Variants in MYO1E observed in about 807,000 individuals in gnomAD.
The protein encoded by MYO1E is unconventional myosin-Ie.
MYO1E carries 68 observed loss-of-function variants against 151.1 expected under a neutral mutation model. The observed-to-expected ratio is 0.45, with a 90% CI of 0.37 to 0.55. The LOEUF is 0.55. Ranked by LOEUF, MYO1E falls within the 20% of genes least tolerant of loss-of-function variation. The probability of loss-of-function intolerance (pLI) is 0.00; values close to 1 mark genes in which losing one functional copy is unlikely to be tolerated. For synonymous variants in MYO1E, 601 were observed against 501.7 expected, an observed-to-expected ratio of 1.20 and a Z score of -2.64; for missense variants, 1,363 against 1,389.3, an observed-to-expected ratio of 0.98 and a Z score of 0.30.
At chr15:59,312,225 A>G (rs375578971) in intron 1 of MYO1E, among the ~76,000 whole-genome samples, 3 of 152,236 alleles carry the variant, frequency 2.0e-5, no homozygotes, top group African/African-American at 7.2e-5. Context: ...TCTAGTTGGG[A>G]AAACAATTAT....
chr15:59,207,718 T>C (rs767792140), intron 14 of MYO1E: 11 of 1,614,164 alleles, frequency 6.8e-6, no homozygotes, highest in Non-Finnish European at 6.8e-6. Flanking sequence ...TGGTGTCCCT[T>C]TGAAGGATCT....
chr15:59,144,429 A>C, intron 26 of MYO1E, among the ~76,000 whole-genome samples: 1 of 152,022 alleles, frequency 6.6e-6, no homozygotes, highest in Non-Finnish European at 1.5e-5. Flanking sequence ...AGCCTCCCAA[A>C]GTGCTGGGAT....
At chr15:59,191,186 T>C in intron 17 of MYO1E, among the ~76,000 whole-genome samples, 1 of 152,114 alleles carries the variant, frequency 6.6e-6, no homozygotes, top group East Asian at 1.9e-4. Flanking sequence ...CCGGGCATAG[T>C]GGCTCACGCT....
chr15:59,256,490 G>A (rs968156247), intron 3 of MYO1E, 112 bp from the exon 4 acceptor site: 28 of 567,820 alleles, frequency 4.9e-5, no homozygotes, highest in African/African-American at 4.0e-4. Flanking sequence ...ATTTGGAAAC[G>A]AATCGTGCAC....
At chr15:59,266,445 C>A (rs186500752) in intron 2 of MYO1E, among the ~76,000 whole-genome samples, 1 of 152,120 alleles carries the variant, frequency 6.6e-6, no homozygotes, top group Non-Finnish European at 1.5e-5. Flanking sequence ...TTCCCAAATG[C>A]CTGCCCGTGG....
chr15:59,312,730 A>G (rs1424001870), intron 1 of MYO1E, among the ~76,000 whole-genome samples: 2 of 152,208 alleles, frequency 1.3e-5, no homozygotes, highest in Admixed American at 6.5e-5. Context: ...TTAGAAATAC[A>G]AAGTCTTGGC....
At chr15:59,359,267 T>C (rs561821856) in intron 1 of MYO1E, among the ~76,000 whole-genome samples, 1 of 125,962 alleles carries the variant, frequency 7.9e-6, no homozygotes, top group African/African-American at 2.7e-5. Flanking sequence ...AAAATATATA[T>C]ATATTTTACA....
chr15:59,178,677 G>T, intron 18 of MYO1E, 140 bp from the exon 19 acceptor site: 2 of 1,178,730 alleles, frequency 1.7e-6, no homozygotes, highest in South Asian at 1.6e-5. Flanking sequence ...AGCGTTCGAA[G>T]GCTCAGGCGT....
chr15:59,217,856 A>G, intron 10 of MYO1E, 35 bp downstream of exon 10: 1 of 1,606,888 alleles, frequency 6.2e-7, no homozygotes, highest in Non-Finnish European at 8.5e-7. Context: ...TAGCTAAGAT[A>G]TGAAGCATCA....
intron 1 of MYO1E, among the ~76,000 whole-genome samples, chr15:59,306,004 T>G: frequency 6.6e-6 from 1 of 152,102 alleles, no homozygotes; most frequent in African/African-American, 2.4e-5. Flanking sequence ...GAATGTTAAG[T>G]GGGAGAGAAA....
chr15:59,300,035 G>A (rs566502318), intron 1 of MYO1E, among the ~76,000 whole-genome samples: 7 of 152,136 alleles, frequency 4.6e-5, no homozygotes, highest in East Asian at 1.9e-4. Flanking sequence ...TAAGATCTCC[G>A]TGAGATATAC....
Position 59,158,452 on chromosome 15 carries a change from T to A in MYO1E, c.2786-73A>T, listed in dbSNP as rs1455282062. 16 of 1,237,362 alleles carry A rather than the reference T, an allele frequency of 1.3e-5. No individual in the cohort carries two copies. The Admixed American group carries it at 3.2e-4, about 25-fold the overall frequency. The allele number at this position is 1,237,362 out of a possible 1,614,324, so 76.6% of individuals were successfully genotyped here. A position where few individuals can be genotyped will look rare whatever the true frequency, so the allele number is the denominator to read the frequency against. ...ATGGATCCTCATGGTTCTTTGCATATGGAAAATTTTTGAGAAGCTTGGATT... is the reference window on the plus strand; with the variant it reads ...ATGGATCCTCATGGTTCTTTGCATAAGGAAAATTTTTGAGAAGCTTGGATT... On this transcript the variant is annotated intron_variant, in intron 24 of 27. Coordinates refer to ENST00000288235, the MANE Select transcript of MYO1E (RefSeq NM_004998.4).
chr15:59,146,456 T>C (rs571038408), intron 26 of MYO1E, among the ~76,000 whole-genome samples: 9 of 151,986 alleles, frequency 5.9e-5, no homozygotes, highest in Non-Finnish European at 1.0e-4. Context: ...GCTGGGATTA[T>C]AGGCACCTGC....
At chr15:59,185,671 T>C (rs973967764) in intron 18 of MYO1E, among the ~76,000 whole-genome samples, 1 of 151,894 alleles carries the variant, frequency 6.6e-6, no homozygotes, top group Non-Finnish European at 1.5e-5. Context: ...AGCCCAAGAG[T>C]TCAAGACCAG....
At chr15:59,277,563 A>C (rs140374259) in intron 1 of MYO1E, among the ~76,000 whole-genome samples, 68,870 of 129,820 alleles carry the variant, frequency 0.53, 19,654 homozygotes, top group Non-Finnish European at 0.68. Flanking sequence ...AAAAAAAAAA[A>C]AAAAAAAAAA....
At chr15:59,199,765 T>A (rs2079789672) in intron 16 of MYO1E, among the ~76,000 whole-genome samples, 1 of 152,202 alleles carries the variant, frequency 6.6e-6, no homozygotes, top group African/African-American at 2.4e-5. Context: ...TTCAAGGAAC[T>A]CAGAATCCTT....
In MYO1E at chr15:59,195,490, G is replaced by C. The variant is rs376945580; in HGVS notation, c.1776C>G (p.Thr592=). The C allele has an allele frequency of 2.9e-5, 46 of 1,613,900 alleles. No homozygotes were observed. The highest frequency in any genetic ancestry group is 5.3e-5 in the African/African-American group (4 of 74,906). Residue 592 remains threonine, a synonymous_variant, in exon 17 of 28, where the codon ACC becomes ACG. Coordinates refer to ENST00000288235, the MANE Select transcript of MYO1E (RefSeq NM_004998.4). ...HYIRCIKPNE[T]KKPRDWEESR... ...TTTCCTCCCAGTCTCTGGGCTTCTTGGTTTCGTTTGGCTTGATGCAGCGAA... is the reference window on the plus strand; with the variant it reads ...TTTCCTCCCAGTCTCTGGGCTTCTTCGTTTCGTTTGGCTTGATGCAGCGAA...
chr15:59,275,851 C>A (rs2080315454), intron 1 of MYO1E, among the ~76,000 whole-genome samples: 1 of 152,162 alleles, frequency 6.6e-6, no homozygotes, highest in African/African-American at 2.4e-5. Flanking sequence ...GAAAAGTTCC[C>A]CACAGTGAAA....
Position 59,224,776 on chromosome 15 carries a change from G to A in MYO1E, c.690C>T (p.Thr230=), listed in dbSNP as rs2079979001. 2 of 1,614,204 alleles carry A rather than the reference G, an allele frequency of 1.2e-6. No individual in the cohort carries two copies. Among genetic ancestry groups the A allele is most frequent in the Non-Finnish European group, 1.7e-6 (2 of 1,180,032 alleles). ...SAEQKHSLGI[T]SMDYYYYLSL... ...TCAGGTAGTAATAATAGTCCATGCT[G>A]GTGATGCCAAGGCTGTGTTTCTGCT... is the stretch of plus-strand genomic sequence containing the variant. Residue 230 remains threonine, a synonymous_variant, in exon 8 of 28, where the codon ACC becomes ACT. Transcript: ENST00000288235.
Sources: gnomAD v4.1 joint callset for allele counts (sites outside exome capture counted in the v4.1 genomes callset) on GRCh38, gnomAD v4.1.1 for gene constraint, MANE v1.5 for transcripts, NCBI Gene and HGNC (gene_info 2026-07-23, HGNC 2026-07-21) for gene names.